The following TINAGL1 variants were observed in gnomAD, a reference collection of about 807,000 sequenced individuals.
TINAGL1 encodes tubulointerstitial nephritis antigen-like.
TINAGL1 carries 34 observed loss-of-function variants against 62.0 expected under a neutral mutation model. The observed-to-expected ratio is 0.55, with a 90% CI of 0.42 to 0.73. The LOEUF (loss-of-function observed/expected upper bound fraction) is 0.73, where lower values mean the gene tolerates loss of function less well. Ranked by LOEUF, TINAGL1 falls within the 30% of genes least tolerant of loss-of-function variation. The pLI, the probability that TINAGL1 is intolerant of heterozygous loss-of-function variation, is 0.00. For missense variants in TINAGL1, 516 were observed against 653.2 expected, an observed-to-expected ratio of 0.79 and a Z score of 2.29; for synonymous variants, 221 against 249.7, an observed-to-expected ratio of 0.88 and a Z score of 1.08.
chr1:31,581,189 G>A (rs1015644025), intron 3 of TINAGL1, among the ~76,000 whole-genome samples: 4 of 151,448 alleles, frequency 2.6e-5, no homozygotes, highest in Admixed American at 2.0e-4. Flanking sequence ...GCTGTGCCCA[G>A]GATTCTGCAT....
rs1021959415 is a variant in TINAGL1, at chr1:31,584,333, G to T, written c.583-345G>T. The T allele has an allele frequency of 1.1e-4, 29 of 275,374 alleles. No homozygotes were observed. The highest frequency in any genetic ancestry group is 1.0e-3 in the East Asian group (13 of 12,914). The allele number at this position is 275,374 out of a possible 1,614,324, so 17.1% of individuals were successfully genotyped here. ...CTAAGGCCTGAAGAAAGCTAAGGCC[G>T]ATCAGAAGGTGCAGAGGAAAGAGGC... On this transcript the variant is annotated intron_variant, in intron 5 of 11. Transcript: ENST00000271064. The surrounding 1 kb of genome is among the most constrained non-coding windows in gnomAD (Gnocchi z 4.0).
Position 31,587,117 on chromosome 1 carries a change from G to T in TINAGL1, c.*138G>T. Reference sequence around the variant, plus strand: ...GGCGCCAGGGCGCTAATCCCGGCGCGGGTTCCGCTGACGCAGCGCCCCGCC... The same window carrying T: ...GGCGCCAGGGCGCTAATCCCGGCGCTGGTTCCGCTGACGCAGCGCCCCGCC... On this transcript the variant is annotated 3_prime_UTR_variant, in exon 12 of 12. Transcript: ENST00000271064. 1 of 1,255,126 alleles carries T rather than the reference G, an allele frequency of 8.0e-7. No homozygotes were observed. Among genetic ancestry groups the T allele is most frequent in the East Asian group, 3.2e-5 (1 of 31,422 alleles). The allele number at this position is 1,255,126 out of a possible 1,614,324, so 77.7% of individuals were successfully genotyped here. A position where few individuals can be genotyped will look rare whatever the true frequency, so the allele number is the denominator to read the frequency against.
chr1:31,579,774 C>A (rs1184964273), intron 3 of TINAGL1: 1 of 161,842 alleles, frequency 6.2e-6, no homozygotes, highest in Non-Finnish European at 1.3e-5. Flanking sequence ...TCATGGGTAC[C>A]CCCCTATTCA....
At chr1:31,582,102 G>A (rs1226603993) in intron 3 of TINAGL1, among the ~76,000 whole-genome samples, 1 of 152,212 alleles carries the variant, frequency 6.6e-6, no homozygotes, top group East Asian at 1.9e-4. Flanking sequence ...GGCCAAGGCG[G>A]GTGGATCACT....
rs1336028853 is a variant in TINAGL1 at position 31,587,079 on chromosome 1, C to T, written c.*100C>T. 6.0e-6 allele frequency: 8 copies of T among 1,333,558 alleles called. No individual in the cohort carries two copies. Among genetic ancestry groups the T allele is most frequent in the African/African-American group, 1.5e-5 (1 of 64,804 alleles). 82.6% of individuals were successfully genotyped at this position (1,333,558 alleles called of 1,614,324 possible). On this transcript the variant is annotated 3_prime_UTR_variant, in exon 12 of 12. Coordinates refer to ENST00000271064, the MANE Select transcript of TINAGL1 (RefSeq NM_022164.3). ...GACCCCAGCCTCGCCCGACAGAGCC[C>T]GGGGCGCAGGCGGGCGCCAGGGCGC...
At position 31,585,613 on chromosome 1, in the gene TINAGL1, CT is replaced by C. The variant is rs965544425; in HGVS notation, c.1093+129del. On this transcript the variant is annotated intron_variant, in intron 9 of 11. Transcript: ENST00000271064. The surrounding 1 kb of genome is among the most constrained non-coding windows in gnomAD (Gnocchi z 4.3). Reference sequence around the variant, plus strand: ...TAGGGCCAGGAGTAGGGGTCCCCCCCTCCCACAGGCAGCACCTGGAGGGAGC... The same window carrying C: ...TAGGGCCAGGAGTAGGGGTCCCCCCCCCCACAGGCAGCACCTGGAGGGAGC... 3 of 1,533,060 alleles carry C rather than the reference CT, an allele frequency of 2.0e-6. No individual in the cohort carries two copies. The highest frequency in any genetic ancestry group is 2.3e-5 in the East Asian group (1 of 44,180). 95.0% of individuals were successfully genotyped at this position (1,533,060 alleles called of 1,614,324 possible).
rs370331988 is a variant in TINAGL1 at position 31,577,144 on chromosome 1, C to A, written c.-5C>A. ...ATCTCTGCCCCCCAGGGCCCAGGAG[C>A]CACCATGTGGCGATGTCCACTGGGG... On this transcript the variant is annotated 5_prime_UTR_variant, in exon 2 of 12. Coordinates refer to ENST00000271064, the MANE Select transcript of TINAGL1 (RefSeq NM_022164.3). This position sits in a 1 kb window ranked among gnomAD's most constrained non-coding sequence, Gnocchi z 5.4. 6.6e-7 allele frequency: 1 copy of A among 1,507,452 alleles called. No homozygotes were observed. The highest frequency in any genetic ancestry group is 8.8e-7 in the Non-Finnish European group (1 of 1,132,426). The allele number at this position is 1,507,452 out of a possible 1,614,324, so 93.4% of individuals were successfully genotyped here. A position where few individuals can be genotyped will look rare whatever the true frequency, so the allele number is the denominator to read the frequency against.
rs1471304295 is a variant in TINAGL1 at position 31,584,462 on chromosome 1, G to A, written c.583-216G>A. 11 of 386,620 alleles carry A rather than the reference G, an allele frequency of 2.8e-5. No individual in the cohort carries two copies. Among genetic ancestry groups the A allele is most frequent in the South Asian group, 8.7e-5 (4 of 45,988 alleles). The allele number at this position is 386,620 out of a possible 1,614,324, so 23.9% of individuals were successfully genotyped here. ...CAGGACTAGTCACCACCGCCACCCCGCCCCGCCCCACCACCTGATACCTGG... is the reference window on the plus strand; with the variant it reads ...CAGGACTAGTCACCACCGCCACCCCACCCCGCCCCACCACCTGATACCTGG... On this transcript the variant is annotated intron_variant, in intron 5 of 11. Coordinates refer to ENST00000271064, the MANE Select transcript of TINAGL1 (RefSeq NM_022164.3). This position sits in a 1 kb window ranked among gnomAD's most constrained non-coding sequence, Gnocchi z 4.0.
Position 31,583,122 on chromosome 1 carries a change from C to T in TINAGL1, c.375-27C>T, listed in dbSNP as rs768655647. 9.3e-5 allele frequency: 149 copies of T among 1,610,150 alleles called. No homozygotes were observed. The highest frequency in any genetic ancestry group is 1.2e-4 in the Non-Finnish European group (140 of 1,176,552). On this transcript the variant is annotated intron_variant, in intron 3 of 11. Coordinates refer to ENST00000271064, the MANE Select transcript of TINAGL1 (RefSeq NM_022164.3). The surrounding 1 kb of genome is among the most constrained non-coding windows in gnomAD (Gnocchi z 4.4). ...AAAGTATCCCCAGTCCCCCACTTAC[C>T]CTTTCCTTCTCTCCTTTTCTCACCA...
Position 31,585,192 on chromosome 1 carries a change from G to T in TINAGL1, c.899G>T (p.Arg300Leu), listed in dbSNP as rs140915081. 6.2e-7 allele frequency: 1 copy of T among 1,601,564 alleles called. No individual in the cohort carries two copies. The highest frequency in any genetic ancestry group is 1.7e-5 in the Admixed American group (1 of 58,276). Reference sequence around the variant, plus strand: ...TGCTACCCCTTCTCGGGCCGTGAACGAGACGAGGCTGGCCCTGCGCCCCCC... The same window carrying T: ...TGCTACCCCTTCTCGGGCCGTGAACTAGACGAGGCTGGCCCTGCGCCCCCC... Reference protein sequence around the residue: ...DHCYPFSGRERDEAGPAPPCM... With the variant: ...DHCYPFSGRELDEAGPAPPCM... The change falls in exon 8 of 12, where the codon CGA (arginine) becomes CTA (leucine). Residue 300 changes from arginine (R) to leucine (L), a missense_variant. Arg to Leu is a moderately radical substitution (Grantham distance 102, BLOSUM62 -2). Coordinates refer to ENST00000271064, the MANE Select transcript of TINAGL1 (RefSeq NM_022164.3). This position sits in a 1 kb window ranked among gnomAD's most constrained non-coding sequence, Gnocchi z 4.3.
rs1315316094 is a variant in TINAGL1, at chr1:31,583,547, C to T, written c.554C>T (p.Ser185Phe). The T allele has an allele frequency of 6.2e-7, 1 of 1,613,936 alleles. No individual in the cohort carries two copies. Among genetic ancestry groups the T allele is most frequent in the South Asian group, 1.1e-5 (1 of 91,016 alleles). The change falls in exon 5 of 12, where the codon TCC becomes TTC. Residue 185 changes from serine to phenylalanine, a missense_variant. By Grantham distance (155) the Ser-to-Phe change is radical. Transcript: ENST00000271064. The surrounding 1 kb of genome is among the most constrained non-coding windows in gnomAD (Gnocchi z 4.4). Reference sequence around the variant, plus strand: ...CGCCTGGGCACCATCCGCCCATCTTCCTCGGTCATGAACATGCATGAAATT... The same window carrying T: ...CGCCTGGGCACCATCCGCCCATCTTTCTCGGTCATGAACATGCATGAAATT... ...RYRLGTIRPS[S>F]SVMNMHEIYT...
At position 31,585,067 on chromosome 1, in the gene TINAGL1, AG is replaced by A. The variant is rs1430194457; in HGVS notation, c.857+32del. 9 of 1,579,352 alleles carry A rather than the reference AG, an allele frequency of 5.7e-6. No homozygotes were observed. Among genetic ancestry groups the A allele is most frequent in the Non-Finnish European group, 6.9e-6 (8 of 1,158,222 alleles). On this transcript the variant is annotated intron_variant, in intron 7 of 11. Coordinates refer to ENST00000271064, the MANE Select transcript of TINAGL1 (RefSeq NM_022164.3). The surrounding 1 kb of genome is among the most constrained non-coding windows in gnomAD (Gnocchi z 4.3). Reference sequence around the variant, plus strand: ...CAGCAACAGGGGATGTGGGCAGAGAAGAGGGCAAGGAGCTCCGTGGGCATGG... The same window carrying A: ...CAGCAACAGGGGATGTGGGCAGAGAAAGGGCAAGGAGCTCCGTGGGCATGG...
rs375984520 is a variant in TINAGL1 at position 31,585,843 on chromosome 1, G to A, written c.1184G>A (p.Arg395His). 20 of 1,605,474 alleles carry A rather than the reference G, an allele frequency of 1.2e-5. No individual in the cohort carries two copies. Among genetic ancestry groups the A allele is most frequent in the Admixed American group, 3.4e-5 (2 of 58,658 alleles). ...PVSLGRPERY[R>H]RHGTHSVKIT... Reference sequence around the variant, plus strand: ...AGCCTTGGGAGGCCAGAGAGATACCGCCGGCATGGGACCCACTCAGTCAAG... The same window carrying A: ...AGCCTTGGGAGGCCAGAGAGATACCACCGGCATGGGACCCACTCAGTCAAG... Residue 395 changes from arginine (R) to histidine (H), a missense_variant, in exon 10 of 12, where the codon CGC becomes CAC. Coordinates refer to ENST00000271064, the MANE Select transcript of TINAGL1 (RefSeq NM_022164.3). This position sits in a 1 kb window ranked among gnomAD's most constrained non-coding sequence, Gnocchi z 4.3.
rs1012497030 is a variant in TINAGL1, at chr1:31,577,629, C to T, written c.310+171C>T. 1.4e-6 allele frequency: 1 copy of T among 732,082 alleles called. No homozygotes were observed. Among genetic ancestry groups the T allele is most frequent in the Non-Finnish European group, 2.1e-6 (1 of 467,200 alleles). 45.3% of individuals were successfully genotyped at this position (732,082 alleles called of 1,614,324 possible). A position where few individuals can be genotyped will look rare whatever the true frequency, so the allele number is the denominator to read the frequency against. On this transcript the variant is annotated intron_variant, in intron 2 of 11. Transcript: ENST00000271064. The surrounding 1 kb of genome is among the most constrained non-coding windows in gnomAD (Gnocchi z 5.4). ...ACTCTCCAGCAAGACTGAAGAAGCT[C>T]CTTGGTTAGAATTCTAATTTGGCCC...
intron 3 of TINAGL1, among the ~76,000 whole-genome samples, chr1:31,581,957 C>A (rs1054612289): frequency 7.9e-5 from 12 of 152,312 alleles, no homozygotes; most frequent in African/African-American, 2.9e-4. Flanking sequence ...ATGTGCTAGG[C>A]TTTGTTTTCC....
rs1280002598 is a variant in TINAGL1 at position 31,585,853 on chromosome 1, G to C, written c.1194G>C (p.Gly398=). 1.2e-6 allele frequency: 2 copies of C among 1,601,070 alleles called. No individual in the cohort carries two copies. Among genetic ancestry groups the C allele is most frequent in the Non-Finnish European group, 1.7e-6 (2 of 1,173,410 alleles). ...GGCCAGAGAGATACCGCCGGCATGGGACCCACTCAGTCAAGATCACAGGGT... is the reference window on the plus strand; with the variant it reads ...GGCCAGAGAGATACCGCCGGCATGGCACCCACTCAGTCAAGATCACAGGGT... ...LGRPERYRRH[G]THSVKITGWG... Residue 398 remains glycine (G), a synonymous_variant, in exon 10 of 12, where the codon GGG becomes GGC. Coordinates refer to ENST00000271064, the MANE Select transcript of TINAGL1 (RefSeq NM_022164.3). The surrounding 1 kb of genome is among the most constrained non-coding windows in gnomAD (Gnocchi z 4.3).
At position 31,585,254 on chromosome 1, in the gene TINAGL1, C is replaced by T. The variant is rs774510976; in HGVS notation, c.961C>T (p.Arg321Cys). The T allele has an allele frequency of 1.8e-5, 29 of 1,613,506 alleles. No homozygotes were observed. Among genetic ancestry groups the T allele is most frequent in the Admixed American group, 1.2e-4 (7 of 59,914 alleles). ...CAGCCGAGCCATGGGTCGGGGCAAG[C>T]GCCAGGCCACTGCCCACTGCCCCAA... ...MHSRAMGRGK[R>C]QATAHCPNSY... Residue 321 changes from arginine (R) to cysteine (C), a missense_variant, in exon 8 of 12, where the codon CGC (arginine) becomes TGC (cysteine). Coordinates refer to ENST00000271064, the MANE Select transcript of TINAGL1 (RefSeq NM_022164.3). The surrounding 1 kb of genome is among the most constrained non-coding windows in gnomAD (Gnocchi z 4.3).
chr1:31,577,034 C>T lies in TINAGL1; in HGVS notation c.-15-100C>T, dbSNP rs983713510. On this transcript the variant is annotated intron_variant, in intron 1 of 11. Transcript: ENST00000271064. This position sits in a 1 kb window ranked among gnomAD's most constrained non-coding sequence, Gnocchi z 5.4. The stretch of plus-strand genomic sequence containing the variant: ...TGGGGACTCAGGAATCGGGATCTCC[C>T]TCCCTGCTGGGCCCTCTTGAACTCA... The T allele has an allele frequency of 2.2e-5, 25 of 1,118,658 alleles. No homozygotes were observed. Among genetic ancestry groups the T allele is most frequent in the African/African-American group, 6.3e-5 (4 of 63,538 alleles). The allele number at this position is 1,118,658 out of a possible 1,614,324, so 69.3% of individuals were successfully genotyped here. A position where few individuals can be genotyped will look rare whatever the true frequency, so the allele number is the denominator to read the frequency against.
In TINAGL1 at chr1:31,579,228, A is replaced by C. The variant is rs138197102; in HGVS notation, c.335A>C (p.Tyr112Ser). ...GGATGTATGCATGGAGGTCGTATCTATCCAGTCTTGGGAACGTACTGGGAC... is the reference window on the plus strand; with the variant it reads ...GGATGTATGCATGGAGGTCGTATCTCTCCAGTCTTGGGAACGTACTGGGAC... ...IQGCMHGGRI[Y>S]PVLGTYWDNC... The change falls in exon 3 of 12, where the codon TAT becomes TCT. Residue 112 changes from tyrosine to serine, a missense_variant. Coordinates refer to ENST00000271064, the MANE Select transcript of TINAGL1 (RefSeq NM_022164.3). 168 of 1,613,974 alleles carry C rather than the reference A, an allele frequency of 1.0e-4. No individual in the cohort carries two copies. The highest frequency in any genetic ancestry group is 1.8e-4 in the Admixed American group (11 of 59,996).
Sources: allele counts gnomAD v4.1 joint callset (sites outside exome capture counted in the v4.1 genomes callset), GRCh38; gene constraint gnomAD v4.1.1; non-coding constraint Gnocchi (gnomAD v3.1); transcripts MANE v1.5; gene names NCBI Gene and HGNC (gene_info 2026-07-23, HGNC 2026-07-21).